Variants in FREM2 observed in about 807,000 individuals in gnomAD.
FREM2 encodes FRAS1-related extracellular matrix protein 2.
A neutral mutation model predicts 219.9 loss-of-function variants in FREM2; 119 were observed. The ratio of observed to expected loss-of-function variants is 0.54; its 90% CI spans 0.47 to 0.63. The LOEUF (loss-of-function observed/expected upper bound fraction) is 0.63, where lower values mean the gene tolerates loss of function less well. Ranked by LOEUF, FREM2 falls within the 30% of genes least tolerant of loss-of-function variation. The probability of loss-of-function intolerance (pLI) is 0.00; values close to 1 mark genes in which losing one functional copy is unlikely to be tolerated. For synonymous variants in FREM2, 1,562 were observed against 1,522.8 expected (o/e 1.03, Z -0.60); for missense variants, 4,030 against 3,993.6 (o/e 1.01, Z -0.25).
At chr13:38,784,942 A>T in intron 6 of FREM2, 134 bp downstream of exon 6, 1 of 1,017,406 alleles carries the variant, frequency 9.8e-7, no homozygotes, top group African/African-American at 1.6e-5. Flanking sequence ...TTTTCATATG[A>T]TTAGGTTTCA....
Position 38,691,426 on chromosome 13 carries a change from T to C in FREM2, c.4082T>C (p.Phe1361Ser), listed in dbSNP as rs199715291. Residue 1361 changes from phenylalanine to serine, a missense_variant, in exon 1 of 24, where the codon TTT becomes TCT. Phe to Ser is a radical substitution (Grantham distance 155). Coordinates refer to ENST00000280481, the MANE Select transcript of FREM2 (RefSeq NM_207361.6). The stretch of plus-strand genomic sequence containing the variant: ...CAGAGACGAAAACCTACTGGTGCCT[T>C]TGAAAATATCACACTGGGCATGAAT... ...LLQRRKPTGA[F>S]ENITLGMNFT... The C allele has an allele frequency of 4.0e-5, 65 of 1,614,044 alleles. 1 individual carries two copies. The Middle Eastern group carries it at 4.9e-4, about 12-fold the overall frequency.
At chr13:38,852,788 T>G (rs1485493047) in intron 11 of FREM2, among the ~76,000 whole-genome samples, 1 of 150,754 alleles carries the variant, frequency 6.6e-6, no homozygotes, top group South Asian at 2.1e-4. Context: ...CACTGCAGTC[T>G]CCGTGTCTTA....
intron 15 of FREM2, among the ~76,000 whole-genome samples, chr13:38,863,252 G>C (rs536233553): frequency 6.6e-6 from 1 of 152,232 alleles, no homozygotes; most frequent in South Asian, 2.1e-4. Context: ...GTTTCGCCAT[G>C]TTGGTCAGGC....
chr13:38,876,368 A>T lies in FREM2; in HGVS notation c.8530A>T (p.Ile2844Phe). Reference sequence around the variant, plus strand: ...AGAACCTGTCACCTTTGACCTTGACATCCGATTCCAACAGGTGTGGCTTAT... The same window carrying T: ...AGAACCTGTCACCTTTGACCTTGACTTCCGATTCCAACAGGTGTGGCTTAT... Reference protein sequence around the residue: ...PREPVTFDLDIRFQQVSDPVA... With the variant: ...PREPVTFDLDFRFQQVSDPVA... Residue 2844 changes from isoleucine (I) to phenylalanine (F), a missense_variant, in exon 20 of 24, where the codon ATC (isoleucine) becomes TTC (phenylalanine). Transcript: ENST00000280481. The T allele has an allele frequency of 6.2e-7, 1 of 1,613,770 alleles. No homozygotes were observed. The highest frequency in any genetic ancestry group is 1.7e-5 in the Admixed American group (1 of 59,982).
chr13:38,764,832 CT>C (rs1259146555), intron 3 of FREM2, among the ~76,000 whole-genome samples: 7 of 152,214 alleles, frequency 4.6e-5, no homozygotes, highest in Non-Finnish European at 8.8e-5. Flanking sequence ...TGATTTTCTT[CT>C]GCTTTACTTC....
At chr13:38,702,336 T>C (rs1200046263) in intron 2 of FREM2, among the ~76,000 whole-genome samples, 1 of 152,154 alleles carries the variant, frequency 6.6e-6, no homozygotes, top group East Asian at 1.9e-4. Flanking sequence ...TAAAGAATTA[T>C]ACAATTTAAA....
chr13:38,838,962 A>G (rs150211374), intron 6 of FREM2, among the ~76,000 whole-genome samples: 38 of 152,148 alleles, frequency 2.5e-4, no homozygotes, highest in African/African-American at 8.9e-4. Context: ...TACTTCTTCA[A>G]TTCGTCAAAC....
Position 38,880,927 on chromosome 13 carries a change from G to GAATTCAAATCAAACTCCA in FREM2, c.*140_*141insAATTCAAATCAAACTCCA. On this transcript the variant is annotated 3_prime_UTR_variant, in exon 24 of 24. Coordinates refer to ENST00000280481, the MANE Select transcript of FREM2 (RefSeq NM_207361.6). ...TAGAGAATATGACTGTACTAATGGA[G>GAATTCAAATCAAACTCCA]TTTGATTTGAATTCTCCATACTCTT... 9.8e-7 allele frequency: 1 copy of GAATTCAAATCAAACTCCA among 1,020,140 alleles called. No individual in the cohort carries two copies. Among genetic ancestry groups the GAATTCAAATCAAACTCCA allele is most frequent in the Non-Finnish European group, 1.5e-6 (1 of 675,466 alleles). 63.2% of individuals were successfully genotyped at this position (1,020,140 alleles called of 1,614,324 possible).
chr13:38,744,069 A>G (rs1450073125), intron 2 of FREM2, among the ~76,000 whole-genome samples: 1 of 152,208 alleles, frequency 6.6e-6, no homozygotes, highest in Non-Finnish European at 1.5e-5. Context: ...AAAAAAGATA[A>G]AATGAATAAA....
chr13:38,786,272 A>G (rs964827628), intron 6 of FREM2, among the ~76,000 whole-genome samples: 1 of 152,142 alleles, frequency 6.6e-6, no homozygotes, highest in Non-Finnish European at 1.5e-5. Context: ...TCATCCTAAC[A>G]ATTCTGTAGA....
intron 2 of FREM2, among the ~76,000 whole-genome samples, chr13:38,701,875 C>A (rs1025881964): frequency 1.3e-5 from 2 of 152,004 alleles, no homozygotes; most frequent in African/African-American, 4.8e-5. Context: ...GTGGAAACCT[C>A]CATTAGTAAG....
At chr13:38,738,785 A>C (rs1186314429) in intron 2 of FREM2, among the ~76,000 whole-genome samples, 4 of 152,082 alleles carry the variant, frequency 2.6e-5, no homozygotes, top group Admixed American at 1.3e-4. Flanking sequence ...AACAATAACA[A>C]AGGGATTCCT....
chr13:38,699,666 TG>T (rs1160769296), intron 2 of FREM2, among the ~76,000 whole-genome samples: 5 of 152,136 alleles, frequency 3.3e-5, no homozygotes, highest in African/African-American at 1.2e-4. Context: ...AGGCAGATTT[TG>T]GCAAGCTGTT....
At position 38,878,141 on chromosome 13, in the gene FREM2, A is replaced by G; in HGVS notation, c.8679A>G (p.Ile2893Met). Residue 2893 changes from isoleucine to methionine, a missense_variant, in exon 22 of 24, where the codon ATA becomes ATG. Ile to Met is a conservative substitution (Grantham distance 10). Coordinates refer to ENST00000280481, the MANE Select transcript of FREM2 (RefSeq NM_207361.6). ...TCCACATCTCTATTTCAGGTGATAT[A>G]ATTTATGGTCGTGTCATGGTGGATC... ...ESDVAFAEGD[I>M]IYGRVMVDPV... is the part of the protein sequence containing the mutation. The G allele has an allele frequency of 6.2e-7, 1 of 1,612,790 alleles. No individual in the cohort carries two copies. Among genetic ancestry groups the G allele is most frequent in the Non-Finnish European group, 8.5e-7 (1 of 1,178,878 alleles).
intron 4 of FREM2, among the ~76,000 whole-genome samples, chr13:38,778,022 A>G (rs1227800934): frequency 2.0e-5 from 3 of 152,252 alleles, no homozygotes; most frequent in Non-Finnish European, 2.9e-5. Context: ...TCAAACCTGC[A>G]TGTGTCATAA....
Position 38,885,238 on chromosome 13 carries a change from TGA to T in FREM2, c.*4452_*4453del, listed in dbSNP as rs1878687925. 6.6e-6 allele frequency: 1 copy of T among 152,202 alleles called. No homozygotes were observed. Among genetic ancestry groups the T allele is most frequent in the Non-Finnish European group, 1.5e-5 (1 of 68,024 alleles). The allele number at this position is 152,202 out of a possible 1,614,324, so 9.4% of individuals were successfully genotyped here. On this transcript the variant is annotated 3_prime_UTR_variant, in exon 24 of 24. Coordinates refer to ENST00000280481, the MANE Select transcript of FREM2 (RefSeq NM_207361.6). ...TAAGGAAAGAAAACTGACTCTCTCT[TGA>T]ACTAGTGTTGACAAAATACACTAAT...
intron 11 of FREM2, among the ~76,000 whole-genome samples, chr13:38,852,665 C>T (rs1254660938): frequency 6.6e-6 from 1 of 150,782 alleles, no homozygotes; most frequent in Admixed American, 6.6e-5. Context: ...AGATGTCTTT[C>T]ATCCCTCTCC....
chr13:38,858,586 A>T (rs561493115), intron 13 of FREM2, among the ~76,000 whole-genome samples: 1 of 152,226 alleles, frequency 6.6e-6, no homozygotes, highest in South Asian at 2.1e-4. Flanking sequence ...CCTTTTCTTG[A>T]CTCTAAGTTT....
chr13:38,799,289 T>TCCTGATAA (rs1874917700), intron 6 of FREM2, among the ~76,000 whole-genome samples: 4 of 152,014 alleles, frequency 2.6e-5, no homozygotes, highest in Admixed American at 2.6e-4. Context: ...CCCTTTTTTG[T>TCCTGATAA]TGATTTCTAG....
Sources: allele counts gnomAD v4.1 joint callset (sites outside exome capture counted in the v4.1 genomes callset), GRCh38; gene constraint gnomAD v4.1.1; transcripts MANE v1.5; gene names NCBI Gene and HGNC (gene_info 2026-07-23, HGNC 2026-07-21).